KIF17: variants seen among roughly 807,000 people sequenced by gnomAD.
The protein encoded by KIF17 is kinesin-like protein KIF17.
Under a neutral mutation model 96.8 loss-of-function variants are expected in KIF17, and 80 were observed. The observed-to-expected ratio is 0.83, with a 90% confidence interval of 0.69 to 1.00. The LOEUF (loss-of-function observed/expected upper bound fraction) is 1.00, where lower values mean the gene tolerates loss of function less well. KIF17 is among the 50% of genes least tolerant of loss of function. The pLI, the probability that KIF17 is intolerant of heterozygous loss-of-function variation, is 0.00. For missense variants in KIF17, 1,280 were observed against 1,372.9 expected (o/e 0.93, Z 1.07); for synonymous variants, 567 against 587.5 (o/e 0.97, Z 0.51).
At position 20,700,376 on chromosome 1, in the gene KIF17, G is replaced by A. The variant is rs1254904082; in HGVS notation, c.1124-1888C>T. On this transcript the variant is annotated intron_variant, in intron 5 of 14. Transcript: ENST00000400463. This position sits in a 1 kb window ranked among gnomAD's most constrained non-coding sequence, Gnocchi z 4.6. ...GTGAACCACTGCGCCCGGCCAGGCT[G>A]TAGCCAGTTTTGAAGGTGGAGATGG... Among the ~76,000 whole-genome samples, 1 of 152,142 alleles carries A rather than the reference G, an allele frequency of 6.6e-6. No homozygotes were observed. Among genetic ancestry groups the A allele is most frequent in the African/African-American group, 2.4e-5 (1 of 41,440 alleles).
Position 20,693,301 on chromosome 1 carries a change from G to A in KIF17, c.1234-2966C>T, listed in dbSNP as rs189032974. 172 of 147,388 alleles carry A rather than the reference G, an allele frequency of 1.2e-3. 1 individual carries two copies. Among genetic ancestry groups the A allele is most frequent in the African/African-American group, 4.2e-3 (166 of 39,488 alleles). 9.1% of individuals were successfully genotyped at this position (147,388 alleles called of 1,614,324 possible). A position where few individuals can be genotyped will look rare whatever the true frequency, so the allele number is the denominator to read the frequency against. On this transcript the variant is annotated intron_variant, in intron 6 of 14. Transcript: ENST00000400463. Reference sequence around the variant, plus strand: ...ACTCTGTCACCCAGGCTGGAGTGCAGTGACGCAGTCTCAGCTCATTGCCAC... The same window carrying A: ...ACTCTGTCACCCAGGCTGGAGTGCAATGACGCAGTCTCAGCTCATTGCCAC...
intron 3 of KIF17, among the ~76,000 whole-genome samples, chr1:20,712,641 AT>A (rs1490804858): frequency 1.8e-5 from 1 of 56,346 alleles, no homozygotes; most frequent in African/African-American, 6.5e-5. Context: ...TATATATATA[AT>A]ATAGATAATA....
chr1:20,705,409 A>G (rs1570474594), intron 4 of KIF17, among the ~76,000 whole-genome samples: 1 of 152,044 alleles, frequency 6.6e-6, no homozygotes, highest in East Asian at 1.9e-4. Context: ...CAGATTCTCA[A>G]TTCCCCACAT....
intron 3 of KIF17, among the ~76,000 whole-genome samples, chr1:20,711,914 G>C (rs777105991): frequency 2.6e-4 from 39 of 152,148 alleles, no homozygotes; most frequent in Non-Finnish European, 5.1e-4. Context: ...CAAGGAATAG[G>C]AACGGTGCCT....
At chr1:20,671,652 C>A (rs2053649764) in intron 12 of KIF17, among the ~76,000 whole-genome samples, 1 of 152,144 alleles carries the variant, frequency 6.6e-6, no homozygotes, top group Admixed American at 6.5e-5. Flanking sequence ...ACATTTCAAA[C>A]CTTACAGCAA....
intron 3 of KIF17, among the ~76,000 whole-genome samples, chr1:20,711,843 G>A (rs1445489742): frequency 1.3e-5 from 2 of 152,132 alleles, no homozygotes; most frequent in Non-Finnish European, 2.9e-5. Flanking sequence ...TTTACTGACT[G>A]TGTGTCCTTG....
intron 13 of KIF17, among the ~76,000 whole-genome samples, chr1:20,669,589 A>AGAGGCCG (rs912941053): frequency 1.2e-4 from 17 of 147,190 alleles, no homozygotes; most frequent in Admixed American, 4.1e-4. Context: ...AAAATAAAAT[A>AGAGGCCG]GAGGCCGGGC....
intron 7 of KIF17, among the ~76,000 whole-genome samples, chr1:20,689,675 A>C (rs1462342106): frequency 6.6e-6 from 1 of 152,146 alleles, no homozygotes; most frequent in Non-Finnish European, 1.5e-5. Context: ...TTTTTTTAAA[A>C]AAAAAGAACA....
Position 20,717,767 on chromosome 1 carries a change from C to T in KIF17, c.-61G>A, listed in dbSNP as rs1387417375. 38 of 1,471,598 alleles carry T rather than the reference C, an allele frequency of 2.6e-5. No individual in the cohort carries two copies. The African/African-American group carries it at 5.0e-4, about 19-fold the overall frequency. The allele number at this position is 1,471,598 out of a possible 1,614,324, so 91.2% of individuals were successfully genotyped here. ...CCCCCGCCCCGCCGGGGACTCCCAGCAGCCCGGGCCAAGGGGCGGGGCCAG... is the reference window on the plus strand; with the variant it reads ...CCCCCGCCCCGCCGGGGACTCCCAGTAGCCCGGGCCAAGGGGCGGGGCCAG... On this transcript the variant is annotated 5_prime_UTR_variant, in exon 1 of 15. Coordinates refer to ENST00000400463, the MANE Select transcript of KIF17 (RefSeq NM_001122819.3).
At position 20,712,646 on chromosome 1, in the gene KIF17, GATA is replaced by G. The variant is rs1223165104; in HGVS notation, c.480+805_480+807del. Among the ~76,000 whole-genome samples, 28 of 79,586 alleles carry G rather than the reference GATA, an allele frequency of 3.5e-4. 2 individuals carry two copies. The highest frequency in any genetic ancestry group is 1.2e-3 in the African/African-American group (19 of 15,832). 52.2% of individuals were successfully genotyped at this position (79,586 alleles called of 152,430 possible). ...AGATAATATCTATATATATAATATAGATAATATTATCTATATATAATATAGATA... is the reference window on the plus strand; with the variant it reads ...AGATAATATCTATATATATAATATAGATATTATCTATATATAATATAGATA... On this transcript the variant is annotated intron_variant, in intron 3 of 14. Transcript: ENST00000400463.
intron 5 of KIF17, among the ~76,000 whole-genome samples, chr1:20,698,748 A>G (rs1032052049): frequency 2.0e-5 from 3 of 152,184 alleles, no homozygotes; most frequent in Non-Finnish European, 4.4e-5. Flanking sequence ...CCACTGGGAA[A>G]AAGAGGAGAA....
chr1:20,686,458 T>C (rs2053940365), intron 8 of KIF17: 1 of 448,194 alleles, frequency 2.2e-6, no homozygotes. Context: ...AGACCTGGGA[T>C]CTCTCTCTCT....
rs1557604411 is a variant in KIF17 at position 20,709,352 on chromosome 1, C to T, written c.670+287G>A. On this transcript the variant is annotated intron_variant, in intron 4 of 14. Coordinates refer to ENST00000400463, the MANE Select transcript of KIF17 (RefSeq NM_001122819.3). The surrounding 1 kb of genome is among the most constrained non-coding windows in gnomAD (Gnocchi z 4.7). ...GCCGAGATCACCACTGCACTCCAGC[C>T]TGGGTGACAGGGTGACACTTTGTCT... 6.6e-6 allele frequency among the ~76,000 whole-genome samples: 1 copy of T among 152,174 alleles called. No individual in the cohort carries two copies. Among genetic ancestry groups the T allele is most frequent in the Non-Finnish European group, 1.5e-5 (1 of 68,038 alleles).
chr1:20,702,016 C>G (rs568456023), intron 5 of KIF17, among the ~76,000 whole-genome samples: 17 of 152,320 alleles, frequency 1.1e-4, no homozygotes, highest in African/African-American at 4.1e-4. Flanking sequence ...TCAGGCACGC[C>G]TGGTCTGAAG....
intron 10 of KIF17, among the ~76,000 whole-genome samples, chr1:20,683,918 C>T (rs767712507): frequency 2.1e-4 from 32 of 151,586 alleles, no homozygotes; most frequent in Non-Finnish European, 4.1e-4. Flanking sequence ...TGTGAAGGCC[C>T]CCCAGCCTTC....
chr1:20,706,485 G>A (rs1285621141), intron 4 of KIF17, among the ~76,000 whole-genome samples: 2 of 151,990 alleles, frequency 1.3e-5, no homozygotes, highest in East Asian at 1.9e-4. Context: ...CAGCTACTCA[G>A]GAGGCTGAGG....
In KIF17 at chr1:20,688,088, C is replaced by G. The variant is rs2053972978; in HGVS notation, c.1382-144G>C. The G allele has an allele frequency of 6.9e-6, 5 of 721,164 alleles. No homozygotes were observed. In the African/African-American group the frequency reaches 8.9e-5, roughly 13 times the overall value. 44.7% of individuals were successfully genotyped at this position (721,164 alleles called of 1,614,324 possible). ...TTGAGACAGAGTCTTGCTCTGTCGC[C>G]CGGGCTGGAGTGCAGTGGTGCGATC... On this transcript the variant is annotated intron_variant, in intron 7 of 14. Coordinates refer to ENST00000400463, the MANE Select transcript of KIF17 (RefSeq NM_001122819.3).
At chr1:20,712,599 T>TTATATATATAGTATAGATA (rs1553152924) in intron 3 of KIF17, among the ~76,000 whole-genome samples, 1 of 14,836 alleles carries the variant, frequency 6.7e-5, no homozygotes, top group East Asian at 1.7e-3. Context: ...TATATCTATA[T>TTATATATATAGTATAGATA]ATATCTATAT....
chr1:20,691,389 C>T (rs112301527), intron 6 of KIF17, among the ~76,000 whole-genome samples: 20 of 152,180 alleles, frequency 1.3e-4, no homozygotes, highest in African/African-American at 4.6e-4. Context: ...TCAAGTGATC[C>T]TCCCACCCCA....
Sources: allele counts gnomAD v4.1 joint callset (sites outside exome capture counted in the v4.1 genomes callset), GRCh38; gene constraint gnomAD v4.1.1; non-coding constraint Gnocchi (gnomAD v3.1); transcripts MANE v1.5; gene names NCBI Gene and HGNC (gene_info 2026-07-23, HGNC 2026-07-21).